The following RANBP6 variants were observed in gnomAD, a reference collection of about 807,000 sequenced individuals.
The protein encoded by RANBP6 is RAN binding protein 6, also known as ran-binding protein 6.
A neutral mutation model predicts 35.3 loss-of-function variants in RANBP6; 10 were observed. That is an observed-to-expected ratio of 0.28 (90% CI 0.17 to 0.48). The LOEUF (loss-of-function observed/expected upper bound fraction) is 0.48, where lower values mean the gene tolerates loss of function less well. RANBP6 is among the 20% of genes least tolerant of loss of function. The pLI, the probability that RANBP6 is intolerant of heterozygous loss-of-function variation, is 0.99. For missense variants in RANBP6, 1,392 were observed against 1,307.7 expected (o/e 1.06, Z -0.99); for synonymous variants, 514 against 464.2 (o/e 1.11, Z -1.38).
At position 6,013,050 on chromosome 9, in the gene RANBP6, A is replaced by T. The variant is rs1468632205; in HGVS notation, c.2558T>A (p.Ile853Asn). The change falls in exon 1 of 1, where the codon ATT becomes AAT. Residue 853 changes from isoleucine to asparagine, a missense_variant. By Grantham distance (149) the Ile-to-Asn change is moderately radical (BLOSUM62 -3). Coordinates refer to ENST00000259569, the MANE Select transcript of RANBP6 (RefSeq NM_012416.4). ...DVYILTKVSD[I>N]LHSLFSTYKE... ...ATAAGTACTAAATAATGAGTGCAAA[A>T]TATCTGATACTTTGGTCAGAATATA... The T allele has an allele frequency of 6.2e-7, 1 of 1,613,804 alleles. No homozygotes were observed. The highest frequency in any genetic ancestry group is 8.5e-7 in the Non-Finnish European group (1 of 1,179,958).
In RANBP6 at chr9:6,011,738, C is replaced by A. The variant is rs1417775486; in HGVS notation, c.*552G>T. The A allele has an allele frequency of 6.6e-6, 1 of 152,288 alleles. No homozygotes were observed. Among genetic ancestry groups the A allele is most frequent in the African/African-American group, 2.4e-5 (1 of 41,426 alleles). The allele number at this position is 152,288 out of a possible 1,614,324, so 9.4% of individuals were successfully genotyped here. On this transcript the variant is annotated 3_prime_UTR_variant, in exon 1 of 1. Transcript: ENST00000259569. ...CAATATGGATATGTCCTACCCAGTT[C>A]CCAGGAGTACATTATGAAGAAGTTC...
rs755295991 is a variant in RANBP6, at chr9:6,015,421, C to A, written c.187G>T (p.Gly63Cys). The change falls in exon 1 of 1, where the codon GGT becomes TGT. Residue 63 changes from glycine to cysteine, a missense_variant. Transcript: ENST00000259569. The stretch of plus-strand genomic sequence containing the variant: ...GCAGCCATTTGTCTCACCTCATAAC[C>A]TGCTCTTCTATTTCTGACGGCATCT... ...LLDAVRNRRAGYEVRQMAAAL... is the reference protein window; with the variant it reads ...LLDAVRNRRACYEVRQMAAAL... 2 of 1,614,174 alleles carry A rather than the reference C, an allele frequency of 1.2e-6. No individual in the cohort carries two copies. The highest frequency in any genetic ancestry group is 3.3e-5 in the Admixed American group (2 of 60,022).
In RANBP6 at chr9:6,014,459, T is replaced by A. The variant is rs1478204272; in HGVS notation, c.1149A>T (p.Arg383=). The change falls in exon 1 of 1, where the codon CGA becomes CGT. Residue 383 remains arginine, a synonymous_variant. Transcript: ENST00000259569. ...CAGATAAGGCCATTAATCCAGCATG[T>A]CGATACTTCCAGTCAGGGCTCTGAA... is the stretch of plus-strand genomic sequence containing the variant. ...QMLQSPDWKY[R]HAGLMALSAI... is the part of the protein sequence containing the mutation. The A allele has an allele frequency of 1.2e-6, 2 of 1,614,236 alleles. 1 individual carries two copies. The highest frequency in any genetic ancestry group is 2.2e-5 in the South Asian group (2 of 91,086).
chr9:6,015,609 G>C lies in RANBP6; in HGVS notation c.-2C>G. The stretch of plus-strand genomic sequence containing the variant: ...CCCTGCAGACGCGGTTGCCGCCATT[G>C]CGCTCTGTCAAAGCTACCGCGACCG... On this transcript the variant is annotated 5_prime_UTR_variant, in exon 1 of 1. Coordinates refer to ENST00000259569, the MANE Select transcript of RANBP6 (RefSeq NM_012416.4). The C allele has an allele frequency of 6.3e-7, 1 of 1,589,328 alleles. No individual in the cohort carries two copies.
Position 6,012,533 on chromosome 9 carries a change from A to G in RANBP6, c.3075T>C (p.Cys1025=). 2 of 1,613,266 alleles carry G rather than the reference A, an allele frequency of 1.2e-6. No individual in the cohort carries two copies. The highest frequency in any genetic ancestry group is 1.7e-6 in the Non-Finnish European group (2 of 1,179,736). The change falls in exon 1 of 1, where the codon TGT becomes TGC. Residue 1025 remains cysteine (C), a synonymous_variant. Transcript: ENST00000259569. The part of the protein sequence containing the change: ...EEAIQTLSFL[C]DLIESNHPVV... ...CTGGGTGGTTACTTTCAATTAGGTCACAGAGAAAACTCAAAGTCTGAATAG... is the reference window on the plus strand; with the variant it reads ...CTGGGTGGTTACTTTCAATTAGGTCGCAGAGAAAACTCAAAGTCTGAATAG...
At position 6,012,236 on chromosome 9, in the gene RANBP6, A is replaced by G. The variant is rs1842483854; in HGVS notation, c.*54T>C. 3.1e-6 allele frequency: 4 copies of G among 1,270,416 alleles called. No homozygotes were observed. The African/African-American group carries it at 6.1e-5, about 19-fold the overall frequency. 78.7% of individuals were successfully genotyped at this position (1,270,416 alleles called of 1,614,324 possible). ...ATTTATAATAAAATCTATTCACAAC[A>G]CTTATTTGTAGTTACTTTTATAATA... On this transcript the variant is annotated 3_prime_UTR_variant, in exon 1 of 1. Coordinates refer to ENST00000259569, the MANE Select transcript of RANBP6 (RefSeq NM_012416.4).
chr9:6,014,724 G>A lies in RANBP6; in HGVS notation c.884C>T (p.Ser295Phe). The stretch of plus-strand genomic sequence containing the variant: ...TTTCAACATCGGAGTGGCAGTTTCA[G>A]ACAAGGTCACTATAACTTCGAGGGC... Reference protein sequence around the residue: ...QLALEVIVTLSETATPMLKKH... With the variant: ...QLALEVIVTLFETATPMLKKH... The change falls in exon 1 of 1, where the codon TCT (serine) becomes TTT (phenylalanine). Residue 295 changes from serine (S) to phenylalanine (F), a missense_variant. By Grantham distance (155) the Ser-to-Phe change is radical. Transcript: ENST00000259569. The A allele has an allele frequency of 6.2e-7, 1 of 1,614,152 alleles. No individual in the cohort carries two copies. The highest frequency in any genetic ancestry group is 8.5e-7 in the Non-Finnish European group (1 of 1,180,052).
Position 6,014,269 on chromosome 9 carries a change from G to C in RANBP6, c.1339C>G (p.His447Asp). ...DFAPNFQKKFHETVIAALLRT... is the reference protein window; with the variant it reads ...DFAPNFQKKFDETVIAALLRT... ...AACAGAGCTGCAATCACTGTTTCAT[G>C]AAATTTCTTTTGGAAATTAGGTGCA... Residue 447 changes from histidine (H) to aspartate (D), a missense_variant, in exon 1 of 1, where the codon CAT (histidine) becomes GAT (aspartate). His to Asp is a moderately conservative substitution (Grantham distance 81). Transcript: ENST00000259569. 6.2e-7 allele frequency: 1 copy of C among 1,614,210 alleles called. No individual in the cohort carries two copies. Among genetic ancestry groups the C allele is most frequent in the South Asian group, 1.1e-5 (1 of 91,086 alleles).
rs759938011 is a variant in RANBP6 at position 6,012,875 on chromosome 9, T to C, written c.2733A>G (p.Val911=). The C allele has an allele frequency of 6.8e-6, 11 of 1,614,086 alleles. No individual in the cohort carries two copies. The highest frequency in any genetic ancestry group is 2.5e-6 in the Non-Finnish European group (3 of 1,179,994). ...EHCSPTSFKY[V]EYFRWPMLLN... is the part of the protein sequence containing the mutation. ...GTAGCATTGGCCACCGAAAATATTCTACATATTTAAATGAAGTTGGACTGC... is the reference window on the plus strand; with the variant it reads ...GTAGCATTGGCCACCGAAAATATTCCACATATTTAAATGAAGTTGGACTGC... Residue 911 remains valine (V), a synonymous_variant, in exon 1 of 1, where the codon GTA becomes GTG. Coordinates refer to ENST00000259569, the MANE Select transcript of RANBP6 (RefSeq NM_012416.4).
In RANBP6 at chr9:6,012,469, T is replaced by G; in HGVS notation, c.3139A>C (p.Ile1047Leu). 6.2e-7 allele frequency: 1 copy of G among 1,612,352 alleles called. No individual in the cohort carries two copies. The highest frequency in any genetic ancestry group is 2.2e-5 in the East Asian group (1 of 44,874). Residue 1047 changes from isoleucine (I) to leucine (L), a missense_variant, in exon 1 of 1, where the codon ATC becomes CTC. Transcript: ENST00000259569. The part of the protein sequence containing the change: ...GPNNSNLPKI[I>L]SIIAEGKINE... ...ATTTTTCCTTCTGCAATTATACTGA[T>G]TATTTTGGGAAGATTGGAATTATTT...
chr9:6,015,113 G>T lies in RANBP6; in HGVS notation c.495C>A (p.His165Gln). 1 of 1,614,100 alleles carries T rather than the reference G, an allele frequency of 6.2e-7. No individual in the cohort carries two copies. Among genetic ancestry groups the T allele is most frequent in the Non-Finnish European group, 8.5e-7 (1 of 1,180,034 alleles). Reference protein sequence around the residue: ...LWEVALHVFWHFPGIFGTQER... With the variant: ...LWEVALHVFWQFPGIFGTQER... ...CTTGGGTCCCAAAAATCCCAGGAAA[G>T]TGCCAGAAAACGTGAAGTGCAACTT... Residue 165 changes from histidine to glutamine, a missense_variant, in exon 1 of 1, where the codon CAC becomes CAA. Coordinates refer to ENST00000259569, the MANE Select transcript of RANBP6 (RefSeq NM_012416.4).
Position 6,015,474 on chromosome 9 carries a change from G to C in RANBP6, c.134C>G (p.Pro45Arg). ...RQAEEIYENIPGLCKTTFLLD... is the reference protein window; with the variant it reads ...RQAEEIYENIRGLCKTTFLLD... ...GAGGAAGGTAGTCTTACACAGACCT[G>C]GGATATTTTCATAGATTTCCTCTGC... The change falls in exon 1 of 1, where the codon CCA becomes CGA. Residue 45 changes from proline to arginine, a missense_variant. Physicochemically the swap from Pro to Arg is moderately radical, Grantham distance 103. Coordinates refer to ENST00000259569, the MANE Select transcript of RANBP6 (RefSeq NM_012416.4). 6.2e-7 allele frequency: 1 copy of C among 1,614,076 alleles called. No homozygotes were observed.
chr9:6,013,238 A>G lies in RANBP6; in HGVS notation c.2370T>C (p.Asp790=). 1 of 1,614,134 alleles carries G rather than the reference A, an allele frequency of 6.2e-7. No homozygotes were observed. Among genetic ancestry groups the G allele is most frequent in the Non-Finnish European group, 8.5e-7 (1 of 1,180,028 alleles). The part of the protein sequence containing the change: ...SFAKSIEVMG[D]GCLNDEHLEE... The stretch of plus-strand genomic sequence containing the variant: ...CCAAGTGTTCATCATTAAGGCAACC[A>G]TCTCCCATAACTTCAATGGACTTTG... Residue 790 remains aspartate (D), a synonymous_variant, in exon 1 of 1, where the codon GAT becomes GAC. Coordinates refer to ENST00000259569, the MANE Select transcript of RANBP6 (RefSeq NM_012416.4).
At position 6,015,490 on chromosome 9, in the gene RANBP6, T is replaced by C; in HGVS notation, c.118A>G (p.Ile40Val). Residue 40 changes from isoleucine (I) to valine (V), a missense_variant, in exon 1 of 1, where the codon ATC (isoleucine) becomes GTC (valine). Physicochemically the swap from Ile to Val is conservative, Grantham distance 29. Transcript: ENST00000259569. ...SCMVRRQAEE[I>V]YENIPGLCKT... Reference sequence around the variant, plus strand: ...CACAGACCTGGGATATTTTCATAGATTTCCTCTGCTTGCCTCCGCACCATA... The same window carrying C: ...CACAGACCTGGGATATTTTCATAGACTTCCTCTGCTTGCCTCCGCACCATA... 1 of 1,613,956 alleles carries C rather than the reference T, an allele frequency of 6.2e-7. No individual in the cohort carries two copies. Among genetic ancestry groups the C allele is most frequent in the Non-Finnish European group, 8.5e-7 (1 of 1,180,032 alleles).
In RANBP6 at chr9:6,015,121, AAACGTGAAGTGC is replaced by A. The variant is rs1344280546; in HGVS notation, c.475_486del (p.Ala159_Val162del). 1 of 1,614,166 alleles carries A rather than the reference AAACGTGAAGTGC, an allele frequency of 6.2e-7. No homozygotes were observed. On this transcript the variant is annotated inframe_deletion, in exon 1 of 1. Coordinates refer to ENST00000259569, the MANE Select transcript of RANBP6 (RefSeq NM_012416.4). The stretch of plus-strand genomic sequence containing the variant: ...CCAAAAATCCCAGGAAAGTGCCAGA[AAACGTGAAGTGC>A]AACTTCCCATAGAACCACATTTTTG...
chr9:6,015,115 G>A lies in RANBP6; in HGVS notation c.493C>T (p.His165Tyr), dbSNP rs775090729. Residue 165 changes from histidine (H) to tyrosine (Y), a missense_variant, in exon 1 of 1, where the codon CAC (histidine) becomes TAC (tyrosine). Coordinates refer to ENST00000259569, the MANE Select transcript of RANBP6 (RefSeq NM_012416.4). Reference sequence around the variant, plus strand: ...TGGGTCCCAAAAATCCCAGGAAAGTGCCAGAAAACGTGAAGTGCAACTTCC... The same window carrying A: ...TGGGTCCCAAAAATCCCAGGAAAGTACCAGAAAACGTGAAGTGCAACTTCC... ...LWEVALHVFW[H>Y]FPGIFGTQER... is the part of the protein sequence containing the mutation. 6.2e-7 allele frequency: 1 copy of A among 1,613,988 alleles called. No individual in the cohort carries two copies. The highest frequency in any genetic ancestry group is 1.3e-5 in the African/African-American group (1 of 74,916).
chr9:6,012,926 G>A lies in RANBP6; in HGVS notation c.2682C>T (p.Cys894=), dbSNP rs1430471833. 6.2e-7 allele frequency: 1 copy of A among 1,614,072 alleles called. No individual in the cohort carries two copies. Among genetic ancestry groups the A allele is most frequent in the Admixed American group, 1.7e-5 (1 of 60,014 alleles). The change falls in exon 1 of 1, where the codon TGC becomes TGT. Residue 894 remains cysteine (C), a synonymous_variant. Transcript: ENST00000259569. ...RPWPDRQWGL[C]IFDDIIEHCS... ...AGTGCTCTATGATGTCATCAAATATGCACAATCCCCACTGTCTGTCTGGCC... is the reference window on the plus strand; with the variant it reads ...AGTGCTCTATGATGTCATCAAATATACACAATCCCCACTGTCTGTCTGGCC...
At position 6,013,195 on chromosome 9, in the gene RANBP6, G is replaced by A; in HGVS notation, c.2413C>T (p.Leu805=). The change falls in exon 1 of 1, where the codon CTG becomes TTG. Residue 805 remains leucine, a synonymous_variant. Coordinates refer to ENST00000259569, the MANE Select transcript of RANBP6 (RefSeq NM_012416.4). ...AAGTGCCCTTCAAGTTTTGCTTTCA[G>A]TATTCCTCCCAGTTCTTCCAAGTGT... is the stretch of plus-strand genomic sequence containing the variant. ...DEHLEELGGI[L]KAKLEGHFKN... 1 of 1,613,872 alleles carries A rather than the reference G, an allele frequency of 6.2e-7. No homozygotes were observed. Among genetic ancestry groups the A allele is most frequent in the South Asian group, 1.1e-5 (1 of 91,050 alleles).
chr9:6,013,414 C>G lies in RANBP6; in HGVS notation c.2194G>C (p.Ala732Pro), dbSNP rs748620407. 2 of 1,614,236 alleles carry G rather than the reference C, an allele frequency of 1.2e-6. No homozygotes were observed. The highest frequency in any genetic ancestry group is 2.2e-5 in the South Asian group (2 of 91,082). Residue 732 changes from alanine (A) to proline (P), a missense_variant, in exon 1 of 1, where the codon GCA (alanine) becomes CCA (proline). By Grantham distance (27) the Ala-to-Pro change is conservative (BLOSUM62 -1). Coordinates refer to ENST00000259569, the MANE Select transcript of RANBP6 (RefSeq NM_012416.4). ...YFHDNVRVAA[A>P]ESMPFLLECA... ...TCCAGGAGAAAAGGCATGGACTCTG[C>G]TGCTGCCACTCGAACATTGTCATGG... is the stretch of plus-strand genomic sequence containing the variant.
Sources: allele counts gnomAD v4.1 joint callset, GRCh38; gene constraint gnomAD v4.1.1; transcripts MANE v1.5; gene names NCBI Gene and HGNC (gene_info 2026-07-23, HGNC 2026-07-21).